Variants in HAUS2 observed in about 807,000 individuals in gnomAD.
HAUS2 encodes HAUS augmin-like complex subunit 2.
In HAUS2, 20 loss-of-function variants were observed where a neutral mutation model predicts 21.6. That is an observed-to-expected ratio of 0.93 (90% confidence interval 0.65 to 1.35). HAUS2 has a LOEUF of 1.35. HAUS2 is among the 40% of genes most tolerant of loss of function. The probability of loss-of-function intolerance (pLI) is 0.00; values close to 1 mark genes in which losing one functional copy is unlikely to be tolerated. For synonymous variants in HAUS2, 113 were observed against 95.6 expected (o/e 1.18, Z -1.06); for missense variants, 297 against 280.7 (o/e 1.06, Z -0.42).
intron 5 of HAUS2, among the ~76,000 whole-genome samples, chr15:42,564,468 A>C (rs892413535): frequency 6.6e-6 from 1 of 152,134 alleles, no homozygotes; most frequent in Admixed American, 6.6e-5. Context: ...CCTGCCTTCA[A>C]ATTCTCAACG....
At chr15:42,552,557 T>G (rs1330282081) in intron 1 of HAUS2, among the ~76,000 whole-genome samples, 1 of 152,206 alleles carries the variant, frequency 6.6e-6, no homozygotes, top group Non-Finnish European at 1.5e-5. Flanking sequence ...TTCAATCTGT[T>G]AGAGAGTGAT....
At chr15:42,559,879 C>G (rs1269183489) in intron 3 of HAUS2, among the ~76,000 whole-genome samples, 1 of 152,070 alleles carries the variant, frequency 6.6e-6, no homozygotes, top group Non-Finnish European at 1.5e-5. Flanking sequence ...GTTCTTGTGG[C>G]CAGGCGTGGA....
At chr15:42,557,039 A>T (rs1305632781) in intron 1 of HAUS2, among the ~76,000 whole-genome samples, 5 of 150,944 alleles carry the variant, frequency 3.3e-5, no homozygotes, top group African/African-American at 1.2e-4. Flanking sequence ...AGCGAAACTC[A>T]GTCGGTGGCT....
intron 1 of HAUS2, among the ~76,000 whole-genome samples, chr15:42,556,677 C>G (rs2141595694): frequency 1.3e-5 from 2 of 152,158 alleles, no homozygotes; most frequent in South Asian, 4.1e-4. Context: ...ATTTCATGGA[C>G]TATAGTTTTC....
chr15:42,558,314 C>CTTTTTTTTTTTTTTTTTTT, intron 2 of HAUS2, 24 bp downstream of exon 2: 2 of 373,890 alleles, frequency 5.3e-6, no homozygotes, highest in East Asian at 7.6e-5. Flanking sequence ...TTTTCACTTT[C>CTTTTTTTTTTTTTTTTTTT]TTTTTTTTTT....
intron 1 of HAUS2, among the ~76,000 whole-genome samples, chr15:42,556,724 C>T (rs1256277454): frequency 6.6e-6 from 1 of 151,880 alleles, no homozygotes; most frequent in Non-Finnish European, 1.5e-5. Flanking sequence ...AGTTCTTTGG[C>T]CTGGACGCGG....
chr15:42,558,157 T>C lies in HAUS2; in HGVS notation c.94-41T>C, dbSNP rs752184142. On this transcript the variant is annotated intron_variant, in intron 1 of 5. Transcript: ENST00000260372. ...GCTATTCCAATGTACCTAGAAACTTTTTGTGACATTCTGCTACTTTCCTTA... is the reference window on the plus strand; with the variant it reads ...GCTATTCCAATGTACCTAGAAACTTCTTGTGACATTCTGCTACTTTCCTTA... The C allele has an allele frequency of 9.2e-6, 8 of 867,390 alleles. No individual in the cohort carries two copies. The Middle Eastern group carries it at 1.5e-3, about 165-fold the overall frequency. The allele number at this position is 867,390 out of a possible 1,614,324, so 53.7% of individuals were successfully genotyped here.
intron 5 of HAUS2, among the ~76,000 whole-genome samples, chr15:42,565,387 ATGTGTGTGTGTGTGTGTGTG>A (rs139933934): frequency 1.4e-4 from 19 of 136,496 alleles, no homozygotes; most frequent in African/African-American, 4.2e-4. Context: ...GAGCCATTGA[ATGTGTGTGTGTGTGTGTGTG>A]TGTGTGTGTG....
At chr15:42,551,498 G>A (rs749057985) in intron 1 of HAUS2, among the ~76,000 whole-genome samples, 13 of 151,974 alleles carry the variant, frequency 8.6e-5, no homozygotes, top group Non-Finnish European at 1.5e-4. Context: ...AAAATCAGCC[G>A]GGTATAGTGG....
At chr15:42,561,648 T>C (rs2057854852) in intron 4 of HAUS2, 1 of 381,238 alleles carries the variant, frequency 2.6e-6, no homozygotes, top group South Asian at 4.5e-5. Flanking sequence ...AGAAATTAGA[T>C]CCATAACATG....
At chr15:42,560,722 A>G (rs2057840722) in intron 3 of HAUS2, 2 of 686,408 alleles carry the variant, frequency 2.9e-6, no homozygotes, top group East Asian at 2.7e-5. Flanking sequence ...TCAAGTAGCT[A>G]GGACTACTGG....
intron 5 of HAUS2, among the ~76,000 whole-genome samples, chr15:42,564,298 GTTTA>G (rs1181299370): frequency 4.7e-5 from 7 of 149,360 alleles, no homozygotes; most frequent in African/African-American, 1.7e-4. Context: ...AAGAAGAAGT[GTTTA>G]TTTATTTAGA....
At chr15:42,558,637 A>G (rs2057814624) in intron 2 of HAUS2, among the ~76,000 whole-genome samples, 1 of 151,492 alleles carries the variant, frequency 6.6e-6, no homozygotes, top group Non-Finnish European at 1.5e-5. Context: ...TGAACTTTTC[A>G]CTTTCTACTC....
At chr15:42,551,011 T>TC (rs397934976) in intron 1 of HAUS2, among the ~76,000 whole-genome samples, 2 of 150,238 alleles carry the variant, frequency 1.3e-5, no homozygotes, top group Non-Finnish European at 3.0e-5. Flanking sequence ...TTTTTTTTTT[T>TC]CTGAGACATA....
intron 2 of HAUS2, 142 bp from the exon 3 acceptor site, chr15:42,559,197 C>T: frequency 1.9e-6 from 1 of 518,180 alleles, no homozygotes; most frequent in Non-Finnish European, 3.5e-6. Context: ...TGCAGTGGCA[C>T]AATCTCGGCT....
chr15:42,563,680 AAGG>A (rs779718457), intron 4 of HAUS2, 66 bp from the exon 5 acceptor site: 14 of 804,770 alleles, frequency 1.7e-5, no homozygotes, highest in Non-Finnish European at 3.1e-5. Flanking sequence ...GTCCTGATTA[AAGG>A]AGAAGAAAAG....
Position 42,549,316 on chromosome 15 carries a change from TC to T in HAUS2, c.93+355del, listed in dbSNP as rs544902973. Among the ~76,000 whole-genome samples, 30 of 152,216 alleles carry T rather than the reference TC, an allele frequency of 2.0e-4. No homozygotes were observed. The East Asian group carries it at 5.6e-3, about 28-fold the overall frequency. On this transcript the variant is annotated intron_variant, in intron 1 of 5. Transcript: ENST00000260372. ...GGGATGGGAAATACGGGTCGTTCTG[TC>T]CCCTTGCGGAACAAGCATTTCCAAC...
chr15:42,558,277 C>A lies in HAUS2; in HGVS notation c.173C>A (p.Ala58Asp). Residue 58 changes from alanine (A) to aspartate (D), a missense_variant, in exon 2 of 6, where the codon GCT (alanine) becomes GAT (aspartate). Physicochemically the swap from Ala to Asp is moderately radical, Grantham distance 126. Transcript: ENST00000260372. The part of the protein sequence containing the change: ...TRLQQITNIQ[A>D]EIYQKNLEIE... ...CTACAGCAGATCACAAATATTCAAGCTGAAATCTACCAGGTAAATCATTTT... is the reference window on the plus strand; with the variant it reads ...CTACAGCAGATCACAAATATTCAAGATGAAATCTACCAGGTAAATCATTTT... 3 of 1,282,746 alleles carry A rather than the reference C, an allele frequency of 2.3e-6. No homozygotes were observed. Among genetic ancestry groups the A allele is most frequent in the Non-Finnish European group, 3.4e-6 (3 of 894,206 alleles). 79.5% of individuals were successfully genotyped at this position (1,282,746 alleles called of 1,614,324 possible).
intron 1 of HAUS2, among the ~76,000 whole-genome samples, chr15:42,553,205 T>G (rs2057742346): frequency 6.6e-6 from 1 of 151,976 alleles, no homozygotes; most frequent in African/African-American, 2.4e-5. Context: ...CAGGCAGTTC[T>G]CGAACTCCTG....
Sources: allele counts gnomAD v4.1 joint callset (sites outside exome capture counted in the v4.1 genomes callset), GRCh38; gene constraint gnomAD v4.1.1; transcripts MANE v1.5; gene names NCBI Gene and HGNC (gene_info 2026-07-23, HGNC 2026-07-21).